The following MCFD2 variants were observed in gnomAD, a reference collection of about 807,000 sequenced individuals.
MCFD2 encodes the protein multiple coagulation factor deficiency 2, ER cargo receptor complex subunit.
In MCFD2, 11 loss-of-function variants were observed where a neutral mutation model predicts 12.8. That is an observed-to-expected ratio of 0.86 (90% CI 0.54 to 1.42). The LOEUF is 1.42. MCFD2 is among the 40% of genes most tolerant of loss of function. The pLI, the probability that MCFD2 is intolerant of heterozygous loss-of-function variation, is 0.00. For missense variants in MCFD2, 191 were observed against 178.6 expected (o/e 1.07, Z -0.40); for synonymous variants, 70 against 68.1 (o/e 1.03, Z -0.14).
chr2:46,923,308 T>G (rs1363731129), intron 1 of MCFD2, among the ~76,000 whole-genome samples: 1 of 152,096 alleles, frequency 6.6e-6, no homozygotes, highest in Non-Finnish European at 1.5e-5. Context: ...GGGCTAAGAG[T>G]CCCAACCTTC....
upstream of MCFD2, among the ~76,000 whole-genome samples, chr2:46,917,440 C>T (rs1668869448): frequency 6.6e-6 from 1 of 152,178 alleles, no homozygotes; most frequent in Non-Finnish European, 1.5e-5. Context: ...ATTCATCCAC[C>T]CCTCCCTTTG....
rs1668041211 is a variant in MCFD2 at position 46,902,167 on chromosome 2, GCTT to G, written c.*3293_*3295del. ...CCAATAAACCAAATTACAATCTGCT[GCTT>G]CTTCTCATTTTCAAATACTATAAAG... On this transcript the variant is annotated 3_prime_UTR_variant, in exon 4 of 4. Transcript: ENST00000319466. 1 of 152,710 alleles carries G rather than the reference GCTT, an allele frequency of 6.5e-6. No homozygotes were observed. Among genetic ancestry groups the G allele is most frequent in the African/African-American group, 2.4e-5 (1 of 41,540 alleles). The allele number at this position is 152,710 out of a possible 1,614,324, so 9.5% of individuals were successfully genotyped here.
intron 1 of MCFD2, among the ~76,000 whole-genome samples, chr2:46,929,474 A>C (rs1202003251): frequency 6.6e-6 from 1 of 152,160 alleles, no homozygotes; most frequent in Non-Finnish European, 1.5e-5. Flanking sequence ...ACAGAGCACG[A>C]CCCTGTCTCA....
upstream of MCFD2, chr2:46,916,089 C>T: frequency 1.0e-6 from 1 of 985,546 alleles, no homozygotes; most frequent in Non-Finnish European, 1.2e-6. Flanking sequence ...CGTAGTTCCA[C>T]GGGCGACGTA....
Position 46,908,318 on chromosome 2 carries a change from G to A in MCFD2, c.150-349C>T, listed in dbSNP as rs1668333829. 1 of 347,748 alleles carries A rather than the reference G, an allele frequency of 2.9e-6. No individual in the cohort carries two copies. Among genetic ancestry groups the A allele is most frequent in the Non-Finnish European group, 5.5e-6 (1 of 181,724 alleles). The allele number at this position is 347,748 out of a possible 1,614,324, so 21.5% of individuals were successfully genotyped here. A position where few individuals can be genotyped will look rare whatever the true frequency, so the allele number is the denominator to read the frequency against. The stretch of plus-strand genomic sequence containing the variant: ...CTCTGCCACCCAGGCTGGAGTGCAG[G>A]AGCGTGATCTTGGCTCATTGTAGCC... On this transcript the variant is annotated intron_variant, in intron 2 of 3. Transcript: ENST00000319466. This position sits in a 1 kb window ranked among gnomAD's most constrained non-coding sequence, Gnocchi z 4.5.
chr2:46,907,619 A>C lies in MCFD2; in HGVS notation c.309+191T>G. 1 of 645,500 alleles carries C rather than the reference A, an allele frequency of 1.5e-6. No homozygotes were observed. Among genetic ancestry groups the C allele is most frequent in the Non-Finnish European group, 2.8e-6 (1 of 361,532 alleles). The allele number at this position is 645,500 out of a possible 1,614,324, so 40.0% of individuals were successfully genotyped here. On this transcript the variant is annotated intron_variant, in intron 3 of 3. Coordinates refer to ENST00000319466, the MANE Select transcript of MCFD2 (RefSeq NM_139279.6). This position sits in a 1 kb window ranked among gnomAD's most constrained non-coding sequence, Gnocchi z 4.1. The stretch of plus-strand genomic sequence containing the variant: ...CACTATATTGCCAAGGCTGGTCTTG[A>C]ACTCCTGGCTCAAGTGATCCTTCCA...
Position 46,940,992 on chromosome 2 carries a change from C to T in MCFD2, c.-8+580G>A, listed in dbSNP as rs1572668125. 1.3e-5 allele frequency among the ~76,000 whole-genome samples: 2 copies of T among 151,990 alleles called. No homozygotes were observed. The highest frequency in any genetic ancestry group is 4.1e-4 in the South Asian group (2 of 4,828). ...GAGGGGGCGGGAAGCGAGGCGCCCC[C>T]GGGCGCCGGGGCTCCGCGCGGGATT... On this transcript the variant is annotated intron_variant, in intron 1 of 2. Coordinates refer to the MCFD2 transcript ENST00000409147. The surrounding 1 kb of genome is among the most constrained non-coding windows in gnomAD (Gnocchi z 4.7).
chr2:46,929,212 A>G (rs1359292681), intron 1 of MCFD2, among the ~76,000 whole-genome samples: 2 of 152,070 alleles, frequency 1.3e-5, no homozygotes, highest in African/African-American at 4.8e-5. Context: ...GGCTGGGTAC[A>G]GTGGCTCATG....
chr2:46,915,805 C>T lies in MCFD2; in HGVS notation c.-89G>A. 2 of 368,312 alleles carry T rather than the reference C, an allele frequency of 5.4e-6. No individual in the cohort carries two copies. Among genetic ancestry groups the T allele is most frequent in the Non-Finnish European group, 6.1e-6 (2 of 327,192 alleles). 22.8% of individuals were successfully genotyped at this position (368,312 alleles called of 1,614,324 possible). ...TCCCCAAAACGCTCTTCCTCGGCTT[C>T]GCCCCGCCCCCCCCCCCCCCCCGAC... On this transcript the variant is annotated 5_prime_UTR_variant, in exon 1 of 4. Coordinates refer to ENST00000319466, the MANE Select transcript of MCFD2 (RefSeq NM_139279.6).
Position 46,908,278 on chromosome 2 carries a change from TG to T in MCFD2, c.150-310del, listed in dbSNP as rs535954394. ...GTCCTTTAAAACTTTTTTTTTTTTT[TG>T]AGACAGGGTCTCACTCTGCCACCCA... On this transcript the variant is annotated intron_variant, in intron 2 of 3. Transcript: ENST00000319466. The surrounding 1 kb of genome is among the most constrained non-coding windows in gnomAD (Gnocchi z 4.5). 1.3e-3 allele frequency: 493 copies of T among 372,826 alleles called. 1 individual carries two copies. The highest frequency in any genetic ancestry group is 9.9e-3 in the African/African-American group (457 of 46,066). The allele number at this position is 372,826 out of a possible 1,614,324, so 23.1% of individuals were successfully genotyped here.
At position 46,909,155 on chromosome 2, in the gene MCFD2, A is replaced by C. The variant is rs371098791; in HGVS notation, c.17T>G (p.Leu6Arg). 299 of 1,614,124 alleles carry C rather than the reference A, an allele frequency of 1.9e-4. 7 individuals are homozygous for C. The South Asian group carries it at 2.2e-3, about 12-fold the overall frequency. Reference protein sequence around the residue: MTMRSLLRTPFLCGLL... With the variant: MTMRSRLRTPFLCGLL... ...GCCACACAGGAAGGGGGTTCTGAGCAGGGATCTCATGGTCATCAATATCTG... is the reference window on the plus strand; with the variant it reads ...GCCACACAGGAAGGGGGTTCTGAGCCGGGATCTCATGGTCATCAATATCTG... The change falls in exon 2 of 4, where the codon CTG becomes CGG. Residue 6 changes from leucine (L) to arginine (R), a missense_variant. Leu to Arg is a moderately radical substitution (Grantham distance 102). Transcript: ENST00000319466.
At chr2:46,921,017 T>C (rs963049561) in intron 1 of MCFD2, among the ~76,000 whole-genome samples, 5 of 151,966 alleles carry the variant, frequency 3.3e-5, no homozygotes, top group African/African-American at 1.2e-4. Context: ...AGAGGGATAC[T>C]TTCTCAGCCT....
chr2:46,927,219 A>G (rs1669431821), intron 1 of MCFD2, among the ~76,000 whole-genome samples: 1 of 152,184 alleles, frequency 6.6e-6, no homozygotes. Flanking sequence ...GAACCAATGA[A>G]AGATTACAAG....
At position 46,941,799 on chromosome 2, in the gene MCFD2, A is replaced by G. The variant is rs1406259790; in HGVS notation, c.-235T>C. 8 of 1,533,730 alleles carry G rather than the reference A, an allele frequency of 5.2e-6. No homozygotes were observed. Among genetic ancestry groups the G allele is most frequent in the Non-Finnish European group, 7.0e-6 (8 of 1,136,080 alleles). The stretch of plus-strand genomic sequence containing the variant: ...ACCGCCTCCTCCAGGAAGCGCGCCC[A>G]GACAGTCCTCGGCCGACAGCGGGCG... On this transcript the variant is annotated 5_prime_UTR_variant, in exon 1 of 3. Coordinates refer to the MCFD2 transcript ENST00000409147. The surrounding 1 kb of genome is among the most constrained non-coding windows in gnomAD (Gnocchi z 4.2).
intron 1 of MCFD2, among the ~76,000 whole-genome samples, chr2:46,933,139 C>T (rs891342107): frequency 6.6e-6 from 1 of 152,146 alleles, no homozygotes; most frequent in African/African-American, 2.4e-5. Flanking sequence ...TCATGGGCTC[C>T]TGCTCTGGAG....
chr2:46,917,582 C>T (rs997774022), upstream of MCFD2, among the ~76,000 whole-genome samples: 1 of 152,204 alleles, frequency 6.6e-6, no homozygotes, highest in Admixed American at 6.5e-5. Context: ...ATAAAGTGTC[C>T]TCATTCTAGC....
intron 1 of MCFD2, among the ~76,000 whole-genome samples, chr2:46,929,287 C>T (rs1289214629): frequency 6.6e-6 from 1 of 152,110 alleles, no homozygotes; most frequent in Non-Finnish European, 1.5e-5. Flanking sequence ...AGTTCTGAGA[C>T]CAGCCTGGTC....
Position 46,908,854 on chromosome 2 carries a change from A to C in MCFD2, c.149+169T>G. 1.2e-6 allele frequency: 1 copy of C among 867,570 alleles called. No homozygotes were observed. The highest frequency in any genetic ancestry group is 1.8e-6 in the Non-Finnish European group (1 of 546,248). The allele number at this position is 867,570 out of a possible 1,614,324, so 53.7% of individuals were successfully genotyped here. ...TCCACCTGTGATACAATGATGAAAA[A>C]AGAATACCTGACTTATAGGTGGCAA... On this transcript the variant is annotated intron_variant, in intron 2 of 3. Transcript: ENST00000319466. The surrounding 1 kb of genome is among the most constrained non-coding windows in gnomAD (Gnocchi z 4.5).
chr2:46,934,591 TAG>T (rs1195649234), intron 1 of MCFD2, among the ~76,000 whole-genome samples: 5 of 151,942 alleles, frequency 3.3e-5, no homozygotes, highest in African/African-American at 1.2e-4. Context: ...TTTCAATAGA[TAG>T]ACTCAAACTG....
Sources: allele counts gnomAD v4.1 joint callset (sites outside exome capture counted in the v4.1 genomes callset), GRCh38; gene constraint gnomAD v4.1.1; non-coding constraint Gnocchi (gnomAD v3.1); transcripts MANE v1.5; gene names NCBI Gene and HGNC (gene_info 2026-07-23, HGNC 2026-07-21).